The following CRISPLD1 variants were observed in gnomAD, a reference collection of about 807,000 sequenced individuals.
CRISPLD1 encodes cysteine-rich secretory protein LCCL domain-containing 1.
In CRISPLD1, 60 loss-of-function variants were observed where a neutral mutation model predicts 77.5. The ratio of observed to expected loss-of-function variants is 0.77; its 90% confidence interval spans 0.63 to 0.96. The LOEUF is 0.96. Among genes scored for constraint, CRISPLD1 ranks in the 40% least tolerant of loss-of-function variants. The pLI, the probability that CRISPLD1 is intolerant of heterozygous loss-of-function variation, is 0.00. For missense variants in CRISPLD1, 623 were observed against 615.8 expected, an observed-to-expected ratio of 1.01 and a Z score of -0.12; for synonymous variants, 195 against 200.1, an observed-to-expected ratio of 0.97 and a Z score of 0.22.
intron 2 of CRISPLD1, among the ~76,000 whole-genome samples, chr8:74,990,201 GGTA>G (rs1812551800): frequency 6.6e-6 from 1 of 151,562 alleles, no homozygotes; most frequent in South Asian, 2.1e-4. Context: ...CTATTTGGGT[GGTA>G]GTTACACTAA....
intron 2 of CRISPLD1, among the ~76,000 whole-genome samples, chr8:74,990,753 G>T (rs1812560033): frequency 1.4e-5 from 2 of 143,790 alleles, no homozygotes; most frequent in Admixed American, 7.2e-5. Context: ...CATCTTCTCA[G>T]TACTTTCTAA....
chr8:75,015,015 G>A lies in CRISPLD1; in HGVS notation c.727+103G>A, dbSNP rs569904169. ...CCAGAAGTGCACTTAATGATCACAC[G>A]AAAAGTATCTAGAACTCTATTTCAA... On this transcript the variant is annotated intron_variant, in intron 6 of 14. Coordinates refer to ENST00000262207, the MANE Select transcript of CRISPLD1 (RefSeq NM_031461.6). 1.3e-4 allele frequency: 79 copies of A among 592,390 alleles called. No homozygotes were observed. In the East Asian group the frequency reaches 1.9e-3, roughly 14 times the overall value. The allele number at this position is 592,390 out of a possible 1,614,324, so 36.7% of individuals were successfully genotyped here.
At chr8:75,004,509 T>C (rs190561421) in intron 2 of CRISPLD1, among the ~76,000 whole-genome samples, 2 of 152,336 alleles carry the variant, frequency 1.3e-5, no homozygotes, top group East Asian at 3.9e-4. Context: ...TGATGTATTC[T>C]GAACTGTCCA....
chr8:74,996,064 A>G (rs913909747), intron 2 of CRISPLD1, among the ~76,000 whole-genome samples: 18 of 150,090 alleles, frequency 1.2e-4, no homozygotes, highest in African/African-American at 4.1e-4. Flanking sequence ...ATAAATACGC[A>G]TGTGTTTTAT....
Position 74,997,783 on chromosome 8 carries a change from C to G in CRISPLD1, c.258+11538C>G, listed in dbSNP as rs143183075. Among the ~76,000 whole-genome samples the G allele has an allele frequency of 1.9e-3, 293 of 152,244 alleles. 1 individual carries two copies. Among genetic ancestry groups the G allele is most frequent in the African/African-American group, 6.6e-3 (273 of 41,540 alleles). ...AACAGGAAAAAGTTAACCTTTTTCACTATTGCTGAGAATGAGATGAAGAAG... is the reference window on the plus strand; with the variant it reads ...AACAGGAAAAAGTTAACCTTTTTCAGTATTGCTGAGAATGAGATGAAGAAG... On this transcript the variant is annotated intron_variant, in intron 2 of 14. Transcript: ENST00000262207.
At chr8:75,019,361 T>A (rs1196296250) in intron 10 of CRISPLD1, among the ~76,000 whole-genome samples, 2 of 152,170 alleles carry the variant, frequency 1.3e-5, no homozygotes, top group Non-Finnish European at 2.9e-5. Context: ...ATATTTCAGC[T>A]TTTTAATAAT....
chr8:74,991,796 C>G (rs1480547610), intron 2 of CRISPLD1, among the ~76,000 whole-genome samples: 4 of 152,202 alleles, frequency 2.6e-5, no homozygotes, highest in African/African-American at 9.6e-5. Context: ...TCCCAAAGTG[C>G]TGGACAGGTG....
At chr8:75,025,343 T>C (rs959107448) in intron 12 of CRISPLD1, among the ~76,000 whole-genome samples, 4 of 152,096 alleles carry the variant, frequency 2.6e-5, no homozygotes, top group Admixed American at 2.0e-4. Context: ...TTTTTTTAAA[T>C]GACATTTATG....
chr8:75,029,322 A>G (rs1587032806), intron 13 of CRISPLD1, 65 bp from the exon 14 acceptor site: 1 of 1,518,596 alleles, frequency 6.6e-7, no homozygotes, highest in East Asian at 2.3e-5. Context: ...TAATAATAGA[A>G]GAATAGGCTG....
At chr8:75,011,108 C>CTTTT (rs10651923) in intron 2 of CRISPLD1, among the ~76,000 whole-genome samples, 2 of 149,836 alleles carry the variant, frequency 1.3e-5, no homozygotes, top group East Asian at 3.9e-4. Context: ...GTTTAAATTT[C>CTTTT]TTTTTTTTTG....
At chr8:75,009,694 A>T (rs1812896207) in intron 2 of CRISPLD1, among the ~76,000 whole-genome samples, 1 of 152,118 alleles carries the variant, frequency 6.6e-6, no homozygotes, top group Admixed American at 6.6e-5. Context: ...CCCTAAGGAC[A>T]ACCTATGTCT....
At chr8:75,015,241 T>G (rs1813007607) in intron 6 of CRISPLD1, among the ~76,000 whole-genome samples, 1 of 152,160 alleles carries the variant, frequency 6.6e-6, no homozygotes, top group African/African-American at 2.4e-5. Context: ...CTGTCATCTT[T>G]TTTTAAAGGA....
intron 12 of CRISPLD1, among the ~76,000 whole-genome samples, chr8:75,022,335 C>G (rs1813150052): frequency 6.6e-6 from 1 of 151,632 alleles, no homozygotes; most frequent in Admixed American, 6.6e-5. Context: ...GCCTGTAATC[C>G]CAGCACTTTG....
rs185387003 is a variant in CRISPLD1, at chr8:75,008,238, C to T, written c.259-4195C>T. On this transcript the variant is annotated intron_variant, in intron 2 of 14. Transcript: ENST00000262207. ...CACCTCAAGTGTATAGAAATGGGTA[C>T]CCAAGTACTCATTTTATAGAGAAGT... Among the ~76,000 whole-genome samples, 4 of 152,014 alleles carry T rather than the reference C, an allele frequency of 2.6e-5. No homozygotes were observed. The East Asian group carries it at 7.8e-4, about 29-fold the overall frequency.
intron 2 of CRISPLD1, among the ~76,000 whole-genome samples, chr8:74,991,412 G>A (rs1173646599): frequency 6.6e-6 from 1 of 152,076 alleles, no homozygotes; most frequent in Non-Finnish European, 1.5e-5. Flanking sequence ...TTGACTTCTG[G>A]CTGCTCACAA....
At chr8:75,013,132 A>T in intron 4 of CRISPLD1, 110 bp downstream of exon 4, 1 of 766,624 alleles carries the variant, frequency 1.3e-6, no homozygotes, top group Non-Finnish European at 1.9e-6. Flanking sequence ...TATTAAAAAA[A>T]TTTATATGGA....
chr8:75,007,565 A>ATTGT (rs537972005), intron 2 of CRISPLD1, among the ~76,000 whole-genome samples: 2 of 141,770 alleles, frequency 1.4e-5, no homozygotes, highest in Non-Finnish European at 3.1e-5. Context: ...GTTTTCAGTT[A>ATTGT]TTGTTTGTTT....
At chr8:75,006,545 A>G (rs1226190495) in intron 2 of CRISPLD1, among the ~76,000 whole-genome samples, 1 of 152,146 alleles carries the variant, frequency 6.6e-6, no homozygotes, top group African/African-American at 2.4e-5. Flanking sequence ...GTAGCCAAAA[A>G]TCTTGCAATC....
At chr8:75,002,857 A>C (rs1812769008) in intron 2 of CRISPLD1, among the ~76,000 whole-genome samples, 1 of 152,200 alleles carries the variant, frequency 6.6e-6, no homozygotes, top group African/African-American at 2.4e-5. Flanking sequence ...TGTGGGGTAA[A>C]TGAATATTTA....
Sources: gnomAD v4.1 joint callset for allele counts (sites outside exome capture counted in the v4.1 genomes callset) on GRCh38, gnomAD v4.1.1 for gene constraint, MANE v1.5 for transcripts, NCBI Gene and HGNC (gene_info 2026-07-23, HGNC 2026-07-21) for gene names.